The following PIGBOS1 variants were observed in gnomAD, a reference collection of about 807,000 sequenced individuals.
PIGBOS1 encodes PIGB opposite strand 1, also known as protein PIGBOS1.
intron 1 of PIGBOS1, among the ~76,000 whole-genome samples, chr15:55,318,157 G>C (rs2055072516): frequency 6.7e-6 from 1 of 149,976 alleles, no homozygotes; most frequent in Admixed American, 6.6e-5. Flanking sequence ...GAGTGCAATG[G>C]CGCAATCTCG....
rs922814708 is a variant in PIGBOS1 at position 55,317,637 on chromosome 15, C to T, written c.156G>A (p.Lys52=). 2.5e-6 allele frequency: 1 copy of T among 398,368 alleles called. No individual in the cohort carries two copies. Among genetic ancestry groups the T allele is most frequent in the Non-Finnish European group, 4.4e-6 (1 of 225,890 alleles). The allele number at this position is 398,368 out of a possible 1,614,324, so 24.7% of individuals were successfully genotyped here. Residue 52 remains lysine (K), a synonymous_variant, in exon 2 of 2, where the codon AAG becomes AAA. Coordinates refer to ENST00000436697, the MANE Select transcript of PIGBOS1 (RefSeq NM_001308421.2). ...KMQLVQESEE[K]KS is the part of the protein sequence containing the mutation. ...CTAACTCCATGTAGTATTAACTTTT[C>T]TTCTCTTCTGATTCTTGTACCAACT...
rs2055053251 is a variant in PIGBOS1, at chr15:55,317,294, C to A, written c.*334G>T. 6.4e-6 allele frequency: 1 copy of A among 156,562 alleles called. No individual in the cohort carries two copies. Among genetic ancestry groups the A allele is most frequent in the African/African-American group, 2.4e-5 (1 of 41,628 alleles). The allele number at this position is 156,562 out of a possible 1,614,324, so 9.7% of individuals were successfully genotyped here. A position where few individuals can be genotyped will look rare whatever the true frequency, so the allele number is the denominator to read the frequency against. ...TTTAAGCAATTATTACAGTTCATCT[C>A]CATGAGGTATTTGTGGGTTTTTTTG... On this transcript the variant is annotated 3_prime_UTR_variant, in exon 2 of 2. Coordinates refer to ENST00000436697, the MANE Select transcript of PIGBOS1 (RefSeq NM_001308421.2).
At position 55,319,003 on chromosome 15, in the gene PIGBOS1, T is replaced by C; in HGVS notation, c.-215A>G. ...TGCTCCCCTCCAGAGACCGGGGGCC[T>C]TCCAGCAGTTTTCGGACCCCCGAGC... On this transcript the variant is annotated 5_prime_UTR_variant, in exon 1 of 2. Transcript: ENST00000436697. 2.1e-6 allele frequency: 1 copy of C among 478,516 alleles called. No homozygotes were observed. 29.6% of individuals were successfully genotyped at this position (478,516 alleles called of 1,614,324 possible).
chr15:55,318,277 T>C (rs1162120834), intron 1 of PIGBOS1, among the ~76,000 whole-genome samples: 1 of 151,334 alleles, frequency 6.6e-6, no homozygotes, highest in Non-Finnish European at 1.5e-5. Flanking sequence ...TTTTGTATTT[T>C]TTGTAGAGAC....
At position 55,317,832 on chromosome 15, in the gene PIGBOS1, A is replaced by C. The variant is rs2055063673; in HGVS notation, c.-40T>G. On this transcript the variant is annotated 5_prime_UTR_variant, in exon 2 of 2. Coordinates refer to ENST00000436697, the MANE Select transcript of PIGBOS1 (RefSeq NM_001308421.2). ...CAGCTCAAGGAAAAGCTGGTTTTGG[A>C]AAGTCACACTCCACACCCAGGAAAT... The C allele has an allele frequency of 2.5e-6, 1 of 396,920 alleles. No individual in the cohort carries two copies. The highest frequency in any genetic ancestry group is 4.4e-5 in the Admixed American group (1 of 22,654). 24.6% of individuals were successfully genotyped at this position (396,920 alleles called of 1,614,324 possible). A position where few individuals can be genotyped will look rare whatever the true frequency, so the allele number is the denominator to read the frequency against.
chr15:55,317,934 C>G (rs2055065304), intron 1 of PIGBOS1, 67 bp from the exon 2 acceptor site: 3 of 382,786 alleles, frequency 7.8e-6, no homozygotes, highest in Non-Finnish European at 1.4e-5. Flanking sequence ...TGTTATGTCA[C>G]TACTTTGCAC....
chr15:55,317,601 C>T lies in PIGBOS1; in HGVS notation c.*27G>A. ...GTGCTGGGATTACAGGCGTGAGCCACTGCGCCAGGCCTAACTCCATGTAGT... is the reference window on the plus strand; with the variant it reads ...GTGCTGGGATTACAGGCGTGAGCCATTGCGCCAGGCCTAACTCCATGTAGT... On this transcript the variant is annotated 3_prime_UTR_variant, in exon 2 of 2. Transcript: ENST00000436697. 2.5e-6 allele frequency: 1 copy of T among 396,344 alleles called. No individual in the cohort carries two copies. Among genetic ancestry groups the T allele is most frequent in the Non-Finnish European group, 4.5e-6 (1 of 224,506 alleles). 24.6% of individuals were successfully genotyped at this position (396,344 alleles called of 1,614,324 possible).
intron 1 of PIGBOS1, among the ~76,000 whole-genome samples, 154 bp from the exon 2 acceptor site, chr15:55,318,021 T>C (rs2055067929): frequency 6.6e-6 from 1 of 152,080 alleles, no homozygotes; most frequent in South Asian, 2.1e-4. Flanking sequence ...AGGAAGTGAA[T>C]TAGGGAAGGG....
intron 1 of PIGBOS1, 139 bp downstream of exon 1, chr15:55,318,723 AAC>A (rs2055089290): frequency 9.6e-6 from 1 of 103,926 alleles, no homozygotes; most frequent in African/African-American, 6.6e-5. Context: ...CAAAAACAAA[AAC>A]AAAAAAAAAA....
chr15:55,318,154 A>G (rs1282713781), intron 1 of PIGBOS1, among the ~76,000 whole-genome samples: 5 of 147,846 alleles, frequency 3.4e-5, no homozygotes, highest in Non-Finnish European at 7.4e-5. Flanking sequence ...CTGGAGTGCA[A>G]TGGCGCAATC....
At chr15:55,317,962 TTATAATA>T in intron 1 of PIGBOS1, 95 bp from the exon 2 acceptor site, 3 of 370,166 alleles carry the variant, frequency 8.1e-6, no homozygotes, top group Non-Finnish European at 9.6e-6. Context: ...AACAATATTT[TTATAATA>T]TGTTACTAAT....
chr15:55,317,555 C>T lies in PIGBOS1; in HGVS notation c.*73G>A, dbSNP rs1251706774. 1.6e-5 allele frequency: 6 copies of T among 372,474 alleles called. No individual in the cohort carries two copies. The highest frequency in any genetic ancestry group is 4.6e-5 in the Admixed American group (1 of 21,868). 23.1% of individuals were successfully genotyped at this position (372,474 alleles called of 1,614,324 possible). The stretch of plus-strand genomic sequence containing the variant: ...GTCTTGAACTCCTGACCACCTGATC[C>T]ACCCGCCTCGGCCTCCCAAAGTGCT... On this transcript the variant is annotated 3_prime_UTR_variant, in exon 2 of 2. Coordinates refer to ENST00000436697, the MANE Select transcript of PIGBOS1 (RefSeq NM_001308421.2).
chr15:55,317,619 C>G lies in PIGBOS1; in HGVS notation c.*9G>C. On this transcript the variant is annotated 3_prime_UTR_variant, in exon 2 of 2. Transcript: ENST00000436697. The stretch of plus-strand genomic sequence containing the variant: ...TGAGCCACTGCGCCAGGCCTAACTC[C>G]ATGTAGTATTAACTTTTCTTCTCTT... 2.5e-6 allele frequency: 1 copy of G among 397,628 alleles called. No homozygotes were observed. The highest frequency in any genetic ancestry group is 4.4e-6 in the Non-Finnish European group (1 of 225,408). The allele number at this position is 397,628 out of a possible 1,614,324, so 24.6% of individuals were successfully genotyped here. A position where few individuals can be genotyped will look rare whatever the true frequency, so the allele number is the denominator to read the frequency against.
Position 55,317,488 on chromosome 15 carries a change from T to C in PIGBOS1, c.*140A>G, listed in dbSNP as rs2055056885. On this transcript the variant is annotated 3_prime_UTR_variant, in exon 2 of 2. Transcript: ENST00000436697. ...TGCCACCAAGCCTGGCTGATTTTTGTATTTTCAGTAGAGACAGGGTTTCAC... is the reference window on the plus strand; with the variant it reads ...TGCCACCAAGCCTGGCTGATTTTTGCATTTTCAGTAGAGACAGGGTTTCAC... 6.4e-6 allele frequency: 2 copies of C among 314,050 alleles called. No individual in the cohort carries two copies. The highest frequency in any genetic ancestry group is 2.2e-5 in the African/African-American group (1 of 46,444). 19.5% of individuals were successfully genotyped at this position (314,050 alleles called of 1,614,324 possible). A position where few individuals can be genotyped will look rare whatever the true frequency, so the allele number is the denominator to read the frequency against.
intron 1 of PIGBOS1, among the ~76,000 whole-genome samples, chr15:55,318,126 C>T: frequency 7.0e-6 from 1 of 142,410 alleles, no homozygotes. Flanking sequence ...GAGACGGAGT[C>T]TCGCTCTGTC....
chr15:55,318,722 AAAC>A (rs1006151156), intron 1 of PIGBOS1, 139 bp downstream of exon 1: 10 of 104,886 alleles, frequency 9.5e-5, no homozygotes, highest in Non-Finnish European at 1.4e-4. Flanking sequence ...ACAAAAACAA[AAAC>A]AAAAAAAAAA....
rs2055059890 is a variant in PIGBOS1 at position 55,317,632 on chromosome 15, C to G, written c.161G>C (p.Ser54Thr). Residue 54 changes from serine (S) to threonine (T), a missense_variant, in exon 2 of 2, where the codon AGT (serine) becomes ACT (threonine). Physicochemically the swap from Ser to Thr is moderately conservative, Grantham distance 58. Transcript: ENST00000436697. ...CAGGCCTAACTCCATGTAGTATTAA[C>G]TTTTCTTCTCTTCTGATTCTTGTAC... ...QLVQESEEKK[S>T] 1 of 398,050 alleles carries G rather than the reference C, an allele frequency of 2.5e-6. No individual in the cohort carries two copies. Among genetic ancestry groups the G allele is most frequent in the Admixed American group, 4.4e-5 (1 of 22,682 alleles). The allele number at this position is 398,050 out of a possible 1,614,324, so 24.7% of individuals were successfully genotyped here.
At chr15:55,318,572 C>T (rs1271522112) in intron 1 of PIGBOS1, among the ~76,000 whole-genome samples, 1 of 151,098 alleles carries the variant, frequency 6.6e-6, no homozygotes, top group East Asian at 2.0e-4. Flanking sequence ...GGCGTGGTGG[C>T]GCGCCTGTAG....
intron 1 of PIGBOS1, 25 bp from the exon 2 acceptor site, chr15:55,317,892 G>C (rs551118119): frequency 7.7e-6 from 3 of 390,646 alleles, no homozygotes; most frequent in African/African-American, 2.1e-5. Context: ...GGAAAGCAAA[G>C]CCATCACTTA....
Sources: allele counts gnomAD v4.1 joint callset (sites outside exome capture counted in the v4.1 genomes callset), GRCh38; gene constraint gnomAD v4.1.1; transcripts MANE v1.5; gene names NCBI Gene and HGNC (gene_info 2026-07-23, HGNC 2026-07-21).